Variants in RHOH observed in about 807,000 individuals in gnomAD.
RHOH encodes the protein ras homolog family member H, also known as rho-related GTP-binding protein RhoH.
RHOH carries 6 observed loss-of-function variants against 13.8 expected under a neutral mutation model. The ratio of observed to expected loss-of-function variants is 0.44; its 90% CI spans 0.24 to 0.86. The LOEUF is 0.86. RHOH is among the 40% of genes least tolerant of loss of function. RHOH has a pLI of 0.24. For synonymous variants in RHOH, 117 were observed against 103.0 expected, an observed-to-expected ratio of 1.14 and a Z score of -0.82; for missense variants, 147 against 244.5, an observed-to-expected ratio of 0.60 and a Z score of 2.66.
At chr4:40,215,248 T>C (rs1725735838) in intron 1 of RHOH, among the ~76,000 whole-genome samples, 1 of 152,166 alleles carries the variant, frequency 6.6e-6, no homozygotes, top group African/African-American at 2.4e-5. Flanking sequence ...GACCATGAGT[T>C]TTGAGCACCA....
intron 1 of RHOH, among the ~76,000 whole-genome samples, chr4:40,237,611 G>T (rs79877365): frequency 0.012 from 1,780 of 152,308 alleles, 26 homozygotes; most frequent in African/African-American, 0.041. Flanking sequence ...GGTTGCTGAG[G>T]AGCATGGTGA....
chr4:40,233,403 A>G (rs973868175), intron 1 of RHOH, among the ~76,000 whole-genome samples: 8 of 111,666 alleles, frequency 7.2e-5, no homozygotes, highest in African/African-American at 3.3e-4. Flanking sequence ...TGTAGACACT[A>G]TGCATAGTTG....
chr4:40,204,034 CAAAAT>C (rs1371804687), intron 1 of RHOH, among the ~76,000 whole-genome samples: 1 of 152,084 alleles, frequency 6.6e-6, no homozygotes, highest in Non-Finnish European at 1.5e-5. Context: ...ACTCAGCACT[CAAAAT>C]AGTAATAACA....
chr4:40,220,544 C>T, intron 1 of RHOH, among the ~76,000 whole-genome samples: 1 of 151,772 alleles, frequency 6.6e-6, no homozygotes, highest in Non-Finnish European at 1.5e-5. Context: ...CATGACCTCT[C>T]CAAATGAAAT....
At chr4:40,200,538 G>A (rs1242529103) in intron 1 of RHOH, 3 of 152,190 alleles carry the variant, frequency 2.0e-5, no homozygotes, top group African/African-American at 7.2e-5. Flanking sequence ...CAAGAATCCA[G>A]AACTCTCCTA....
At chr4:40,231,544 A>G (rs1727948954) in intron 1 of RHOH, among the ~76,000 whole-genome samples, 2 of 152,052 alleles carry the variant, frequency 1.3e-5, no homozygotes, top group African/African-American at 4.8e-5. Context: ...CCACCTCTTC[A>G]TGGATCTCAC....
intron 1 of RHOH, among the ~76,000 whole-genome samples, chr4:40,234,298 A>G (rs374231848): frequency 2.2e-4 from 34 of 152,078 alleles, no homozygotes; most frequent in African/African-American, 8.0e-4. Flanking sequence ...GGCTATTCCA[A>G]CTATTTTGAG....
intron 1 of RHOH, among the ~76,000 whole-genome samples, chr4:40,220,977 T>A (rs2109452449): frequency 6.6e-6 from 1 of 152,348 alleles, no homozygotes; most frequent in African/African-American, 2.4e-5. Flanking sequence ...GTATAAAAAG[T>A]ACATATGTCT....
At chr4:40,242,945 TTGTG>T (rs58807335) in intron 2 of RHOH, 111 bp downstream of exon 2, 7,451 of 143,514 alleles carry the variant, frequency 0.052, 233 homozygotes, top group Admixed American at 0.082. Context: ...CGGGAGGCAT[TTGTG>T]TGTGTGTGTG....
intron 1 of RHOH, among the ~76,000 whole-genome samples, chr4:40,197,943 A>C (rs1723424736): frequency 6.6e-6 from 1 of 152,244 alleles, no homozygotes; most frequent in African/African-American, 2.4e-5. Context: ...GTGCTTTACT[A>C]AATGAAAGTT....
intron 1 of RHOH, among the ~76,000 whole-genome samples, chr4:40,241,400 G>A (rs952973589): frequency 2.6e-5 from 4 of 152,208 alleles, no homozygotes; most frequent in Non-Finnish European, 4.4e-5. Context: ...GATCACATGA[G>A]GAAAGTCCTT....
intron 1 of RHOH, 105 bp from the exon 2 acceptor site, chr4:40,242,609 C>T (rs941051016): frequency 1.3e-5 from 2 of 152,214 alleles, no homozygotes; most frequent in Non-Finnish European, 2.9e-5. Flanking sequence ...TTCTTTTCCC[C>T]TATTACAACA....
At position 40,243,244 on chromosome 4, in the gene RHOH, C is replaced by A; in HGVS notation, c.-143C>A. The A allele has an allele frequency of 1.6e-6, 1 of 623,172 alleles. No homozygotes were observed. Among genetic ancestry groups the A allele is most frequent in the East Asian group, 2.9e-5 (1 of 34,720 alleles). The allele number at this position is 623,172 out of a possible 1,614,324, so 38.6% of individuals were successfully genotyped here. ...TGGATGGGCAGGGAGAAGTAACATT[C>A]TGCAAATCGCCGTCAGAGGTCCTGA... On this transcript the variant is annotated 5_prime_UTR_variant, in exon 3 of 3. It adds an upstream start codon to the 5' untranslated region. Coordinates refer to ENST00000381799, the MANE Select transcript of RHOH (RefSeq NM_004310.5). This position sits in a 1 kb window ranked among gnomAD's most constrained non-coding sequence, Gnocchi z 6.2.
chr4:40,207,205 CAAA>C (rs568521139), intron 1 of RHOH, among the ~76,000 whole-genome samples: 4 of 109,738 alleles, frequency 3.6e-5, no homozygotes, highest in Non-Finnish European at 3.9e-5. Context: ...GACTCCATCT[CAAA>C]AAAAAAAAAA....
At chr4:40,201,229 A>C (rs1360846932) in intron 1 of RHOH, among the ~76,000 whole-genome samples, 1 of 152,118 alleles carries the variant, frequency 6.6e-6, no homozygotes, top group East Asian at 1.9e-4. Context: ...TTCAACCCGG[A>C]CAGGTGTTAG....
chr4:40,221,545 T>C (rs1198773752), intron 1 of RHOH, among the ~76,000 whole-genome samples: 1 of 152,238 alleles, frequency 6.6e-6, no homozygotes, highest in African/African-American at 2.4e-5. Context: ...TGATCTTTGA[T>C]GTTACTGTTG....
chr4:40,230,702 G>A (rs534780769), intron 1 of RHOH, among the ~76,000 whole-genome samples: 43 of 152,214 alleles, frequency 2.8e-4, no homozygotes, highest in African/African-American at 9.9e-4. Flanking sequence ...GAAGAAAGAA[G>A]AGGTGGCTTG....
upstream of RHOH, among the ~76,000 whole-genome samples, chr4:40,194,481 G>A (rs190355120): frequency 1.8e-3 from 278 of 152,132 alleles, 2 homozygotes; most frequent in Middle Eastern, 0.041. Flanking sequence ...TGCCCTCCTC[G>A]GCCTCCCAAA....
chr4:40,205,244 A>G (rs1579241613), intron 1 of RHOH, among the ~76,000 whole-genome samples: 1 of 152,220 alleles, frequency 6.6e-6, no homozygotes, highest in East Asian at 1.9e-4. Context: ...AGTCTGGGCA[A>G]CAAAGTGAGA....
Sources: allele counts gnomAD v4.1 joint callset (sites outside exome capture counted in the v4.1 genomes callset), GRCh38; gene constraint gnomAD v4.1.1; non-coding constraint Gnocchi (gnomAD v3.1); transcripts MANE v1.5; gene names NCBI Gene and HGNC (gene_info 2026-07-23, HGNC 2026-07-21).